SCNN1B: variants seen among roughly 807,000 people sequenced by gnomAD.
The protein encoded by SCNN1B is sodium channel epithelial 1 subunit beta.
Under a neutral mutation model 65.3 loss-of-function variants are expected in SCNN1B, and 46 were observed. The ratio of observed to expected loss-of-function variants is 0.70; its 90% confidence interval spans 0.56 to 0.90. SCNN1B has a LOEUF of 0.90. Among genes scored for constraint, SCNN1B ranks in the 40% least tolerant of loss-of-function variants. The pLI, the probability that SCNN1B is intolerant of heterozygous loss-of-function variation, is 0.00. For synonymous variants in SCNN1B, 349 were observed against 330.6 expected (o/e 1.06, Z -0.60); for missense variants, 751 against 830.5 (o/e 0.90, Z 1.18).
At chr16:23,302,146 T>C, upstream of SCNN1B, 1 of 152,470 alleles carries the variant, frequency 6.6e-6, no homozygotes. Context: ...GCGTCCAGTG[T>C]CCCTGAACCT....
intron 1 of SCNN1B, among the ~76,000 whole-genome samples, chr16:23,336,112 A>G (rs190030414): frequency 3.9e-4 from 60 of 152,296 alleles, no homozygotes; most frequent in African/African-American, 1.1e-3. Context: ...AGGTGGCCGG[A>G]AGCCAGGCAA....
chr16:23,374,936 C>A (rs1026173169), intron 7 of SCNN1B, among the ~76,000 whole-genome samples: 2 of 152,126 alleles, frequency 1.3e-5, no homozygotes, highest in African/African-American at 4.8e-5. Context: ...TTCCTGAGCA[C>A]CTGATGTGGC....
Position 23,377,168 on chromosome 16 carries a change from A to G in SCNN1B, c.1274A>G (p.His425Arg). 2 of 1,614,060 alleles carry G rather than the reference A, an allele frequency of 1.2e-6. No homozygotes were observed. Among genetic ancestry groups the G allele is most frequent in the Non-Finnish European group, 1.7e-6 (2 of 1,179,980 alleles). ...CGCCTTTCTGTCTCCTGCGCAGCCCATTGCTACTCAGATCTACAGATGAGC... is the reference window on the plus strand; with the variant it reads ...CGCCTTTCTGTCTCCTGCGCAGCCCGTTGCTACTCAGATCTACAGATGAGC... ...CNNRDFPDWA[H>R]CYSDLQMSVA... The change falls in exon 9 of 13, where the codon CAT becomes CGT. Residue 425 changes from histidine to arginine, a missense_variant. By Grantham distance (29) the His-to-Arg change is conservative. Transcript: ENST00000343070.
At chr16:23,370,986 G>C (rs1212953389) in intron 5 of SCNN1B, among the ~76,000 whole-genome samples, 2 of 152,238 alleles carry the variant, frequency 1.3e-5, no homozygotes, top group Non-Finnish European at 2.9e-5. Flanking sequence ...GGGCACCTGT[G>C]GTGTGAGGTG....
chr16:23,287,988 C>CTA, intron 2 of SCNN1B, among the ~76,000 whole-genome samples: 1 of 114,056 alleles, frequency 8.8e-6, no homozygotes. Context: ...AACCCCATCT[C>CTA]TACAAAAAAA....
At chr16:23,355,200 C>G (rs1459601837) in intron 3 of SCNN1B, 99 bp from the exon 4 acceptor site, 3 of 1,243,886 alleles carry the variant, frequency 2.4e-6, no homozygotes, top group African/African-American at 1.5e-5. Context: ...AGGTGGCTGG[C>G]AAAGCACAGC....
At chr16:23,356,446 G>A (rs993681552) in intron 4 of SCNN1B, among the ~76,000 whole-genome samples, 3 of 151,924 alleles carry the variant, frequency 2.0e-5, no homozygotes, top group African/African-American at 7.3e-5. Flanking sequence ...GCAACATAGC[G>A]AGACCTCATC....
chr16:23,326,874 ACCC>A (rs1961708439), intron 1 of SCNN1B, among the ~76,000 whole-genome samples: 1 of 152,026 alleles, frequency 6.6e-6, no homozygotes. Flanking sequence ...TGTACAGCGT[ACCC>A]ATTAGGTAAT....
intron 7 of SCNN1B, among the ~76,000 whole-genome samples, chr16:23,372,781 C>T (rs1011489475): frequency 2.0e-5 from 3 of 150,708 alleles, no homozygotes; most frequent in Non-Finnish European, 4.4e-5. Flanking sequence ...CATGAGCCAC[C>T]GCACCCGGAC....
At position 23,381,136 on chromosome 16, in the gene SCNN1B, C is replaced by G; in HGVS notation, c.*335C>G. The G allele has an allele frequency of 2.5e-6, 1 of 396,504 alleles. No individual in the cohort carries two copies. The highest frequency in any genetic ancestry group is 4.7e-6 in the Non-Finnish European group (1 of 212,212). 24.6% of individuals were successfully genotyped at this position (396,504 alleles called of 1,614,324 possible). ...CCTCCCAGTGCCAGTCTCCATCCAC[C>G]CCAGAGAGGAACAGGCGGGTGGGCC... On this transcript the variant is annotated 3_prime_UTR_variant, in exon 13 of 13. Transcript: ENST00000343070.
intron 1 of SCNN1B, among the ~76,000 whole-genome samples, chr16:23,329,626 A>G (rs148154273): frequency 6.6e-6 from 1 of 152,328 alleles, no homozygotes; most frequent in Non-Finnish European, 1.5e-5. Context: ...TAGCTTGTGC[A>G]GGGTTACATG....
intron 4 of SCNN1B, among the ~76,000 whole-genome samples, chr16:23,366,195 A>AT (rs1472753331): frequency 6.7e-6 from 1 of 148,162 alleles, no homozygotes; most frequent in Admixed American, 6.8e-5. Context: ...TTTATTTTTA[A>AT]TTTTTTACAA....
chr16:23,343,651 A>AAG (rs1194491960), intron 1 of SCNN1B, among the ~76,000 whole-genome samples: 6 of 91,178 alleles, frequency 6.6e-5, no homozygotes, highest in South Asian at 7.6e-4. Context: ...AAGAAAGAAA[A>AAG]AAAGAAAGGA....
intron 4 of SCNN1B, among the ~76,000 whole-genome samples, chr16:23,362,398 A>G (rs1273224995): frequency 1.3e-5 from 2 of 152,126 alleles, no homozygotes; most frequent in Non-Finnish European, 2.9e-5. Context: ...ATATATAAGC[A>G]TTATTATTAC....
Position 23,294,581 on chromosome 16 carries a change from C to A in SCNN1B, n.178+10777C>A, listed in dbSNP as rs191406950. Among the ~76,000 whole-genome samples the A allele has an allele frequency of 4.6e-5, 7 of 152,214 alleles. No homozygotes were observed. The East Asian group carries it at 1.4e-3, about 29-fold the overall frequency. On this transcript the variant is annotated intron_variant and non_coding_transcript_variant, in intron 2 of 3. Coordinates refer to the SCNN1B transcript ENST00000569789. ...ACCCAGCACACACCCCACTGCAGGGCCTTTGCCCTTGCTGTTCCCTCTGCC... is the reference window on the plus strand; with the variant it reads ...ACCCAGCACACACCCCACTGCAGGGACTTTGCCCTTGCTGTTCCCTCTGCC...
chr16:23,340,191 A>C (rs1274887450), intron 1 of SCNN1B, among the ~76,000 whole-genome samples: 1 of 152,318 alleles, frequency 6.6e-6, no homozygotes, highest in African/African-American at 2.4e-5. Flanking sequence ...TATATTCCGC[A>C]TAGAAATTCT....
chr16:23,368,989 C>T (rs969446845), intron 5 of SCNN1B, among the ~76,000 whole-genome samples: 6 of 152,170 alleles, frequency 3.9e-5, no homozygotes, highest in African/African-American at 7.2e-5. Flanking sequence ...TAGACTTCAC[C>T]ACTGTATAAT....
chr16:23,374,573 C>CAAAAAAAAAAAAA (rs1168924579), intron 7 of SCNN1B, among the ~76,000 whole-genome samples: 1 of 48,326 alleles, frequency 2.1e-5, no homozygotes, highest in Non-Finnish European at 4.2e-5. Flanking sequence ...GACTCCATCT[C>CAAAAAAAAAAAAA]AAAAAAAAAA....
upstream of SCNN1B, among the ~76,000 whole-genome samples, chr16:23,297,528 G>A (rs1189072313): frequency 6.6e-6 from 1 of 152,094 alleles, no homozygotes; most frequent in Admixed American, 6.6e-5. Context: ...ATGATATCGG[G>A]ACCTAGTTTC....
Sources: gnomAD v4.1 joint callset for allele counts (sites outside exome capture counted in the v4.1 genomes callset) on GRCh38, gnomAD v4.1.1 for gene constraint, MANE v1.5 for transcripts, NCBI Gene and HGNC (gene_info 2026-07-23, HGNC 2026-07-21) for gene names.